MFF: variants seen among roughly 807,000 people sequenced by gnomAD.
MFF encodes the protein mitochondrial fission factor, also known as chromosome 2 open reading frame 33.
Under a neutral mutation model 36.9 loss-of-function variants are expected in MFF, and 12 were observed. The observed-to-expected ratio is 0.33, with a 90% CI of 0.21 to 0.53. MFF has a LOEUF of 0.53. MFF is among the 20% of genes least tolerant of loss of function. The probability of loss-of-function intolerance (pLI) is 0.95; values close to 1 mark genes in which losing one functional copy is unlikely to be tolerated. For synonymous variants in MFF, 99 were observed against 126.2 expected, an observed-to-expected ratio of 0.78 and a Z score of 1.44; for missense variants, 348 against 366.6, an observed-to-expected ratio of 0.95 and a Z score of 0.42.
At chr2:227,336,605 G>A (rs1231092749) in intron 4 of MFF, among the ~76,000 whole-genome samples, 3 of 152,168 alleles carry the variant, frequency 2.0e-5, no homozygotes, top group Non-Finnish European at 2.9e-5. Context: ...GCCATCAAAT[G>A]GCATCCTCCA....
chr2:227,331,698 C>T (rs185091942), intron 3 of MFF, among the ~76,000 whole-genome samples: 15 of 152,222 alleles, frequency 9.9e-5, no homozygotes, highest in Admixed American at 7.2e-4. Flanking sequence ...TTTGAGTGGG[C>T]GTGTAGTGCC....
At chr2:227,347,651 T>A (rs1017664974) in intron 6 of MFF, among the ~76,000 whole-genome samples, 1 of 152,244 alleles carries the variant, frequency 6.6e-6, no homozygotes, top group Admixed American at 6.5e-5. Context: ...TAGCCTACTC[T>A]AAGTACTTGA....
intron 6 of MFF, among the ~76,000 whole-genome samples, chr2:227,348,052 A>G (rs2075803122): frequency 6.6e-6 from 1 of 152,164 alleles, no homozygotes; most frequent in South Asian, 2.1e-4. Flanking sequence ...ATAATGTTTT[A>G]AAGGAAATTC....
chr2:227,356,112 CT>C (rs1428320542), intron 8 of MFF, among the ~76,000 whole-genome samples: 2 of 152,310 alleles, frequency 1.3e-5, no homozygotes, highest in African/African-American at 4.8e-5. Flanking sequence ...CTCCTTGCAG[CT>C]TGCACAGCAT....
At chr2:227,349,575 C>G (rs1465473166) in intron 6 of MFF, among the ~76,000 whole-genome samples, 2 of 151,974 alleles carry the variant, frequency 1.3e-5, no homozygotes, top group Non-Finnish European at 2.9e-5. Context: ...GGGTTAGATT[C>G]TCATCAGTCT....
At chr2:227,338,825 ACT>A (rs1258787924) in intron 4 of MFF, among the ~76,000 whole-genome samples, 2 of 143,794 alleles carry the variant, frequency 1.4e-5, no homozygotes, top group Admixed American at 7.1e-5. Context: ...ACAGAACAAG[ACT>A]CTGTCTCAAA....
At chr2:227,334,595 G>A (rs755469950) in intron 4 of MFF, among the ~76,000 whole-genome samples, 3 of 152,146 alleles carry the variant, frequency 2.0e-5, no homozygotes, top group Non-Finnish European at 4.4e-5. Context: ...TTCTGCAGTG[G>A]ATGCTAGAAT....
intron 5 of MFF, among the ~76,000 whole-genome samples, chr2:227,344,514 C>CT (rs1056825728): frequency 1.3e-5 from 2 of 151,126 alleles, no homozygotes; most frequent in African/African-American, 2.4e-5. Flanking sequence ...GGAGCTTATT[C>CT]TTTTTTGTTT....
chr2:227,356,790 T>C (rs532852257), intron 8 of MFF, among the ~76,000 whole-genome samples, 196 bp from the exon 9 acceptor site: 1 of 152,318 alleles, frequency 6.6e-6, no homozygotes, highest in African/African-American at 2.4e-5. Context: ...AAAGGATGTT[T>C]AAGTGAATTT....
rs1261297377 is a variant in MFF at position 227,347,261 on chromosome 2, C to T, written c.476C>T (p.Pro159Leu). 2 of 1,613,624 alleles carry T rather than the reference C, an allele frequency of 1.2e-6. No homozygotes were observed. The highest frequency in any genetic ancestry group is 1.3e-5 in the African/African-American group (1 of 74,894). ...TCGCCACAACAGGCTCGGGTCTGTC[C>T]TCCCCATATGTTACCTGAAGATGGA... is the stretch of plus-strand genomic sequence containing the variant. ...TPSPQQARVC[P>L]PHMLPEDGAN... The change falls in exon 6 of 9, where the codon CCT (proline) becomes CTT (leucine). Residue 159 changes from proline to leucine, a missense_variant. Coordinates refer to ENST00000304593, the MANE Select transcript of MFF (RefSeq NM_001277062.2).
intron 5 of MFF, among the ~76,000 whole-genome samples, chr2:227,343,144 A>G (rs1017497823): frequency 6.6e-6 from 1 of 151,644 alleles, no homozygotes; most frequent in African/African-American, 2.4e-5. Flanking sequence ...AACAGATTCA[A>G]CGTCACCTGG....
chr2:227,347,883 T>C (rs1013070473), intron 6 of MFF, among the ~76,000 whole-genome samples: 8 of 152,246 alleles, frequency 5.3e-5, no homozygotes. Flanking sequence ...TTCCAGGTGC[T>C]ATCATCTTTT....
At chr2:227,346,861 G>T (rs2075740426) in intron 5 of MFF, 1 of 162,900 alleles carries the variant, frequency 6.1e-6, no homozygotes, top group African/African-American at 2.4e-5. Flanking sequence ...TAAGTCGACA[G>T]CAGTGTTGTT....
intron 4 of MFF, among the ~76,000 whole-genome samples, chr2:227,337,278 C>A (rs538518331): frequency 6.6e-6 from 1 of 152,250 alleles, no homozygotes; most frequent in African/African-American, 2.4e-5. Flanking sequence ...CTTAACTGTT[C>A]TCCCCATGAT....
chr2:227,353,830 T>C (rs1457237109), intron 7 of MFF, among the ~76,000 whole-genome samples: 1 of 152,338 alleles, frequency 6.6e-6, no homozygotes, highest in African/African-American at 2.4e-5. Context: ...CATTTGTACT[T>C]CATTCTGTAT....
intron 6 of MFF, among the ~76,000 whole-genome samples, chr2:227,350,367 A>G (rs1406521463): frequency 6.6e-6 from 1 of 152,172 alleles, no homozygotes; most frequent in Non-Finnish European, 1.5e-5. Flanking sequence ...CTTCAAAAAG[A>G]AACTTAGTTC....
rs114035348 is a variant in MFF, at chr2:227,337,696, C to T, written c.352-2596C>T. Among the ~76,000 whole-genome samples the T allele has an allele frequency of 9.3e-3, 1,420 of 152,248 alleles. 23 individuals carry two copies. Among genetic ancestry groups the T allele is most frequent in the African/African-American group, 0.028 (1,170 of 41,540 alleles). On this transcript the variant is annotated intron_variant, in intron 4 of 8. Transcript: ENST00000304593. ...ACTTAGGAAACTATTTCTCAGCCTCCGGGATGAATAAAACTAAGTGCATAA... is the reference window on the plus strand; with the variant it reads ...ACTTAGGAAACTATTTCTCAGCCTCTGGGATGAATAAAACTAAGTGCATAA...
At chr2:227,352,210 C>T (rs930117343) in intron 6 of MFF, 3 of 258,194 alleles carry the variant, frequency 1.2e-5, no homozygotes, top group African/African-American at 4.5e-5. Context: ...CAGAGTTGTC[C>T]TCTGTCTTAA....
intron 1 of MFF, among the ~76,000 whole-genome samples, chr2:227,326,836 T>TA (rs1356625676): frequency 1.3e-5 from 2 of 152,152 alleles, no homozygotes; most frequent in Non-Finnish European, 2.9e-5. Context: ...GAAAAGTACA[T>TA]AAACATTTGC....
Sources: allele counts gnomAD v4.1 joint callset (sites outside exome capture counted in the v4.1 genomes callset), GRCh38; gene constraint gnomAD v4.1.1; transcripts MANE v1.5; gene names NCBI Gene and HGNC (gene_info 2026-07-23, HGNC 2026-07-21).